The following TOR1AIP1 variants were observed in gnomAD, a reference collection of about 807,000 sequenced individuals.
The protein encoded by TOR1AIP1 is torsin 1A interacting protein 1.
Under a neutral mutation model 63.3 loss-of-function variants are expected in TOR1AIP1, and 54 were observed. That is an observed-to-expected ratio of 0.85 (90% CI 0.69 to 1.07). The LOEUF is 1.07. Ranked by LOEUF, TOR1AIP1 falls within the 50% of genes least tolerant of loss-of-function variation. The pLI is 0.00. For missense variants in TOR1AIP1, 736 were observed against 715.0 expected (o/e 1.03, Z -0.33); for synonymous variants, 294 against 273.5 (o/e 1.07, Z -0.74).
At chr1:179,908,729 T>A in intron 8 of TOR1AIP1, 56 bp downstream of exon 8, 5 of 1,446,572 alleles carry the variant, frequency 3.5e-6, no homozygotes, top group Non-Finnish European at 4.8e-6. Context: ...TATGTTTTTC[T>A]TGACAAAAAT....
chr1:179,905,798 C>G (rs1173247321), intron 6 of TOR1AIP1, among the ~76,000 whole-genome samples: 1 of 151,988 alleles, frequency 6.6e-6, no homozygotes, highest in Non-Finnish European at 1.5e-5. Flanking sequence ...GCTAAAAATA[C>G]AAAAATTAAC....
intron 4 of TOR1AIP1, 149 bp downstream of exon 4, chr1:179,900,316 G>T (rs1331560907): frequency 1.2e-5 from 6 of 509,560 alleles, no homozygotes; most frequent in African/African-American, 5.9e-5. Flanking sequence ...GCTGAGGCAG[G>T]AAGATCACTT....
chr1:179,895,930 C>A (rs891650974), intron 3 of TOR1AIP1, among the ~76,000 whole-genome samples: 30 of 150,610 alleles, frequency 2.0e-4, no homozygotes, highest in African/African-American at 6.3e-4. Context: ...AAAAAAAAAA[C>A]AAAAACAAAA....
intron 2 of TOR1AIP1, among the ~76,000 whole-genome samples, chr1:179,885,220 G>T (rs1647877640): frequency 6.6e-6 from 1 of 152,134 alleles, no homozygotes; most frequent in Admixed American, 6.5e-5. Flanking sequence ...TAATACTGTG[G>T]TTTATCAAAT....
rs2148484280 is a variant in TOR1AIP1, at chr1:179,917,935, C to A, written c.1448C>A (p.Ser483Ter). 1 of 1,614,208 alleles carries A rather than the reference C, an allele frequency of 6.2e-7. No homozygotes were observed. The highest frequency in any genetic ancestry group is 1.1e-5 in the South Asian group (1 of 91,058). The stretch of plus-strand genomic sequence containing the variant: ...GCAGCTGTGGTACACCGCTTTGAGT[C>A]ATTTCCCGCAGGCTCTACTTTGATC... ...QNAAVVHRFESFPAGSTLIFY... is the reference protein window; with the variant it reads ...QNAAVVHRFE Residue 483 changes from serine (S) to a stop codon, truncating the protein, a stop_gained, in exon 10 of 10, where the codon TCA becomes TAA. Transcript: ENST00000606911. LOFTEE classifies it high-confidence loss of function.
In TOR1AIP1 at chr1:179,882,872, A is replaced by AC. The variant is rs1558037149; in HGVS notation, c.371dup (p.Arg125AlafsTer34). Reference sequence around the variant, plus strand: ...ACCCCAGGAAACCGAGGAAATGAAGACGCGAAGGACTACCCGCCTTCAGCA... The same window carrying AC: ...ACCCCAGGAAACCGAGGAAATGAAGACCGCGAAGGACTACCCGCCTTCAGCA... On this transcript the variant is annotated frameshift_variant, in exon 1 of 10. Transcript: ENST00000606911. LOFTEE classifies it high-confidence loss of function. The AC allele has an allele frequency of 1.2e-6, 2 of 1,614,114 alleles. No individual in the cohort carries two copies. Among genetic ancestry groups the AC allele is most frequent in the Admixed American group, 3.3e-5 (2 of 60,026 alleles).
intron 1 of TOR1AIP1, chr1:179,883,740 G>A (rs1390915651): frequency 2.2e-6 from 1 of 455,312 alleles, no homozygotes; most frequent in Non-Finnish European, 4.4e-6. Flanking sequence ...CGTCTAAATG[G>A]ACAAAAGGGA....
At chr1:179,883,005 G>T in intron 1 of TOR1AIP1, 28 bp downstream of exon 1, 1 of 1,587,436 alleles carries the variant, frequency 6.3e-7, no homozygotes, top group South Asian at 1.1e-5. Context: ...AACAGTCCCA[G>T]CCGCGAGCCA....
At chr1:179,898,142 T>C (rs1648341851) in intron 3 of TOR1AIP1, among the ~76,000 whole-genome samples, 1 of 152,064 alleles carries the variant, frequency 6.6e-6, no homozygotes, top group South Asian at 2.1e-4. Flanking sequence ...TGTGCTGTTA[T>C]GAACAAGACT....
chr1:179,897,076 C>T (rs1317841087), intron 3 of TOR1AIP1, among the ~76,000 whole-genome samples: 3 of 152,030 alleles, frequency 2.0e-5, no homozygotes, highest in Admixed American at 6.6e-5. Context: ...ATCAAGATAG[C>T]ATTGCATAAC....
intron 3 of TOR1AIP1, among the ~76,000 whole-genome samples, chr1:179,892,155 A>G (rs1427961251): frequency 1.3e-5 from 2 of 152,172 alleles, no homozygotes; most frequent in South Asian, 2.1e-4. Flanking sequence ...ACTTAAGTTC[A>G]GGCCACTTCT....
In TOR1AIP1 at chr1:179,882,831, A is replaced by G. The variant is rs1021447566; in HGVS notation, c.329A>G (p.Gln110Arg). Residue 110 changes from glutamine (Q) to arginine (R), a missense_variant, in exon 1 of 10, where the codon CAG (glutamine) becomes CGG (arginine). Around this residue, in one of 2 missense-constraint regions of TOR1AIP1, gnomAD observed 464 missense variants for 371.0 expected, o/e 1.25. Transcript: ENST00000606911. ...AGCGCGTACTACCTTCGGTCTAGGC[A>G]GCGGAGGCAGCCGCGACCCCAGGAA... ...RESAYYLRSR[Q>R]RRQPRPQETE... The G allele has an allele frequency of 2.5e-6, 4 of 1,614,230 alleles. No homozygotes were observed. Among genetic ancestry groups the G allele is most frequent in the Admixed American group, 3.3e-5 (2 of 60,034 alleles).
At chr1:179,902,542 C>G (rs1571731436) in intron 5 of TOR1AIP1, among the ~76,000 whole-genome samples, 2 of 152,116 alleles carry the variant, frequency 1.3e-5, no homozygotes, top group Admixed American at 6.6e-5. Context: ...TGTGGGCCAC[C>G]GTGCCTGGCA....
rs1485268167 is a variant in TOR1AIP1 at position 179,918,345 on chromosome 1, A to G, written c.*106A>G. On this transcript the variant is annotated 3_prime_UTR_variant, in exon 10 of 10. Transcript: ENST00000606911. Reference sequence around the variant, plus strand: ...TTTTTGAAAGAACTAGTTTCTTTTTAAAGAAGTTAAGTGCTTACATAAACA... The same window carrying G: ...TTTTTGAAAGAACTAGTTTCTTTTTGAAGAAGTTAAGTGCTTACATAAACA... The G allele has an allele frequency of 2.7e-6, 3 of 1,108,018 alleles. No homozygotes were observed. Among genetic ancestry groups the G allele is most frequent in the African/African-American group, 3.2e-5 (2 of 63,278 alleles). 68.6% of individuals were successfully genotyped at this position (1,108,018 alleles called of 1,614,324 possible). A position where few individuals can be genotyped will look rare whatever the true frequency, so the allele number is the denominator to read the frequency against.
At chr1:179,899,847 GT>G (rs1402759382) in intron 3 of TOR1AIP1, among the ~76,000 whole-genome samples, 2 of 152,178 alleles carry the variant, frequency 1.3e-5, no homozygotes, top group Non-Finnish European at 2.9e-5. Context: ...GTTTCACCAT[GT>G]TGACCAGGCT....
intron 8 of TOR1AIP1, chr1:179,913,456 C>A (rs1648900933): frequency 1.6e-6 from 1 of 625,434 alleles, no homozygotes; most frequent in East Asian, 2.8e-5. Context: ...GTCAGAATCC[C>A]CAGAGGAAAT....
At chr1:179,888,826 C>A (rs1647980535) in intron 2 of TOR1AIP1, among the ~76,000 whole-genome samples, 1 of 152,104 alleles carries the variant, frequency 6.6e-6, no homozygotes, top group African/African-American at 2.4e-5. Flanking sequence ...AAACCCTGGC[C>A]CACATTAATG....
chr1:179,902,100 A>T (rs922540982), intron 5 of TOR1AIP1, among the ~76,000 whole-genome samples: 7 of 137,108 alleles, frequency 5.1e-5, no homozygotes, highest in African/African-American at 2.0e-4. Flanking sequence ...ATGTCGGCTC[A>T]CTGCAGCCTC....
intron 9 of TOR1AIP1, among the ~76,000 whole-genome samples, chr1:179,914,522 G>A (rs1435679507): frequency 2.6e-5 from 4 of 152,208 alleles, no homozygotes; most frequent in Admixed American, 2.0e-4. Flanking sequence ...TGGGCTGAGC[G>A]TGGTGGCTCA....
Sources: allele counts gnomAD v4.1 joint callset (sites outside exome capture counted in the v4.1 genomes callset), GRCh38; gene constraint gnomAD v4.1.1; regional missense constraint gnomAD v4.1.1; transcripts MANE v1.5; gene names NCBI Gene and HGNC (gene_info 2026-07-23, HGNC 2026-07-21).